Variants in STX11 observed in about 807,000 individuals in gnomAD.
STX11 encodes syntaxin 11, also known as syntaxin-11.
In STX11, 21 loss-of-function variants were observed where a neutral mutation model predicts 19.9. The observed-to-expected ratio is 1.06, with a 90% CI of 0.75 to 1.52. The LOEUF (loss-of-function observed/expected upper bound fraction) is 1.52. Ranked by LOEUF, STX11 falls within the 40% of genes most tolerant of loss-of-function variation. STX11 has a pLI of 0.00. For synonymous variants in STX11, 193 were observed against 174.4 expected (o/e 1.11, Z -0.84); for missense variants, 438 against 405.9 (o/e 1.08, Z -0.68).
Position 144,155,944 on chromosome 6 carries a change from TTCTTTCTTTC to T in STX11, c.-6+5243_-6+5252del, listed in dbSNP as rs1801127099. On this transcript the variant is annotated intron_variant, in intron 1 of 1. Coordinates refer to ENST00000367568, the MANE Select transcript of STX11 (RefSeq NM_003764.4). The surrounding 1 kb of genome is among the most constrained non-coding windows in gnomAD (Gnocchi z 4.5). ...TTAAATGTGTTTTAAAATTTAATCTTTCTTTCTTTCTTTCTTTCTTTCTTTCTTTCTTTCT... is the reference window on the plus strand; with the variant it reads ...TTAAATGTGTTTTAAAATTTAATCTTTTTCTTTCTTTCTTTCTTTCTTTCT... Among the ~76,000 whole-genome samples, 1 of 28,698 alleles carries T rather than the reference TTCTTTCTTTC, an allele frequency of 3.5e-5. No homozygotes were observed. Among genetic ancestry groups the T allele is most frequent in the Non-Finnish European group, 1.1e-4 (1 of 8,812 alleles). The allele number at this position is 28,698 out of a possible 152,430, so 18.8% of individuals were successfully genotyped here. A position where few individuals can be genotyped will look rare whatever the true frequency, so the allele number is the denominator to read the frequency against.
At chr6:144,166,525 C>CTTT (rs1174123119) in intron 1 of STX11, among the ~76,000 whole-genome samples, 20 of 125,528 alleles carry the variant, frequency 1.6e-4, no homozygotes, top group East Asian at 4.7e-4. Flanking sequence ...CTTTTCTTTC[C>CTTT]TTTTTTTTTT....
In STX11 at chr6:144,191,798, A is replaced by G. The variant is rs1023810720; in HGVS notation, c.*4307A>G. ...GGGCTATTAGAAATGGAAAACGAAT[A>G]GGATCTAGAATGTAACTTCATCATA... On this transcript the variant is annotated 3_prime_UTR_variant, in exon 2 of 2. Transcript: ENST00000367568. 6.6e-6 allele frequency among the ~76,000 whole-genome samples: 1 copy of G among 152,246 alleles called. No individual in the cohort carries two copies. The highest frequency in any genetic ancestry group is 1.5e-5 in the Non-Finnish European group (1 of 68,042).
In STX11 at chr6:144,191,685, C is replaced by T. The variant is rs188745478; in HGVS notation, c.*4194C>T. On this transcript the variant is annotated 3_prime_UTR_variant, in exon 2 of 2. Transcript: ENST00000367568. ...GCAACTCATTCATTTGTAATCAAGA[C>T]GATAGTTTGAAACACCCAATTGTAA... Among the ~76,000 whole-genome samples the T allele has an allele frequency of 9.9e-4, 150 of 152,266 alleles. No homozygotes were observed. The highest frequency in any genetic ancestry group is 3.6e-3 in the African/African-American group (148 of 41,554).
chr6:144,178,633 G>C (rs781364432), intron 1 of STX11, among the ~76,000 whole-genome samples: 1 of 152,242 alleles, frequency 6.6e-6, no homozygotes, highest in Non-Finnish European at 1.5e-5. Flanking sequence ...TCCTCCAGCA[G>C]TGGTTTGAAT....
chr6:144,154,702 T>C lies in STX11; in HGVS notation c.-6+3999T>C, dbSNP rs1413270138. Among the ~76,000 whole-genome samples, 1 of 152,224 alleles carries C rather than the reference T, an allele frequency of 6.6e-6. No individual in the cohort carries two copies. Among genetic ancestry groups the C allele is most frequent in the African/African-American group, 2.4e-5 (1 of 41,456 alleles). On this transcript the variant is annotated intron_variant, in intron 1 of 1. Transcript: ENST00000367568. The surrounding 1 kb of genome is among the most constrained non-coding windows in gnomAD (Gnocchi z 4.7). ...CTCCAGATATTACATTCCTGACTTG[T>C]GATCTGCCTTTTGAATCCTATTTTG...
chr6:144,182,219 C>T lies in STX11; in HGVS notation c.-5-4404C>T, dbSNP rs1054250069. Among the ~76,000 whole-genome samples, 4 of 152,144 alleles carry T rather than the reference C, an allele frequency of 2.6e-5. No individual in the cohort carries two copies. The highest frequency in any genetic ancestry group is 2.9e-5 in the Non-Finnish European group (2 of 68,028). On this transcript the variant is annotated intron_variant, in intron 1 of 1. Coordinates refer to ENST00000367568, the MANE Select transcript of STX11 (RefSeq NM_003764.4). The surrounding 1 kb of genome is among the most constrained non-coding windows in gnomAD (Gnocchi z 4.8). ...TGCCCACTTCTATATTTTTGTATAA[C>T]TTCAGTAGTGTATACACTTTTAACC... is the stretch of plus-strand genomic sequence containing the variant.
At chr6:144,143,524 G>A in the STX11 span, among the ~76,000 whole-genome samples, 5 of 152,284 alleles carry the variant, frequency 3.3e-5, no homozygotes, top group East Asian at 5.8e-4. Context: ...AGAGAGAGAC[G>A]TGTAGAGAAG....
At position 144,172,511 on chromosome 6, in the gene STX11, A is replaced by G. The variant is rs764120885; in HGVS notation, c.-5-14112A>G. Among the ~76,000 whole-genome samples, 14 of 152,208 alleles carry G rather than the reference A, an allele frequency of 9.2e-5. 1 individual carries two copies. The highest frequency in any genetic ancestry group is 1.5e-4 in the Non-Finnish European group (10 of 68,038). On this transcript the variant is annotated intron_variant, in intron 1 of 1. Coordinates refer to ENST00000367568, the MANE Select transcript of STX11 (RefSeq NM_003764.4). This position sits in a 1 kb window ranked among gnomAD's most constrained non-coding sequence, Gnocchi z 4.2. ...AAGCAAGTCTCATGGCCAAGGGTAG[A>G]GAAACTGATTCAAAGGGTAGAGAGA...
At position 144,187,734 on chromosome 6, in the gene STX11, T is replaced by TA; in HGVS notation, c.*244dup. The stretch of plus-strand genomic sequence containing the variant: ...CCCACAAAGTTGTGCAATGTCATTA[T>TA]ATGACACCTTGCACTCTTACCGTCT... On this transcript the variant is annotated 3_prime_UTR_variant, in exon 2 of 2. Transcript: ENST00000367568. This position sits in a 1 kb window ranked among gnomAD's most constrained non-coding sequence, Gnocchi z 5.6. 1.6e-6 allele frequency: 1 copy of TA among 613,740 alleles called. No individual in the cohort carries two copies. Among genetic ancestry groups the TA allele is most frequent in the Non-Finnish European group, 2.9e-6 (1 of 339,534 alleles). 38.0% of individuals were successfully genotyped at this position (613,740 alleles called of 1,614,324 possible). A position where few individuals can be genotyped will look rare whatever the true frequency, so the allele number is the denominator to read the frequency against.
At chr6:144,142,376 T>C in the STX11 span, among the ~76,000 whole-genome samples, 1 of 152,114 alleles carries the variant, frequency 6.6e-6, no homozygotes, top group South Asian at 2.1e-4. Flanking sequence ...TGATGACTTG[T>C]TTGCAGTACT....
In STX11 at chr6:144,191,447, T is replaced by C. The variant is rs1231770531; in HGVS notation, c.*3956T>C. On this transcript the variant is annotated 3_prime_UTR_variant, in exon 2 of 2. Transcript: ENST00000367568. ...ATTTAAAAACAGTCCTAATGCTTTA[T>C]AGTTAAATGTCATATGCAGATATGT... 6.6e-6 allele frequency among the ~76,000 whole-genome samples: 1 copy of C among 151,500 alleles called. No homozygotes were observed. The highest frequency in any genetic ancestry group is 1.5e-5 in the Non-Finnish European group (1 of 67,972).
At chr6:144,158,539 CTTTT>C (rs1018700995) in intron 1 of STX11, among the ~76,000 whole-genome samples, 1 of 151,054 alleles carries the variant, frequency 6.6e-6, no homozygotes, top group Non-Finnish European at 1.5e-5. Flanking sequence ...CTTTGAGGTG[CTTTT>C]TTTTAAACTT....
Position 144,179,298 on chromosome 6 carries a change from AC to A in STX11, c.-5-7323del, listed in dbSNP as rs1562666922. On this transcript the variant is annotated intron_variant, in intron 1 of 1. Transcript: ENST00000367568. ...CACAACGTGTGGGAATTATGGGAGT[AC>A]CATTCAAGATGAGATTTGGGTGGGG... is the stretch of plus-strand genomic sequence containing the variant. 3.9e-5 allele frequency among the ~76,000 whole-genome samples: 6 copies of A among 152,320 alleles called. No individual in the cohort carries two copies. In the South Asian group the frequency reaches 6.2e-4, roughly 16 times the overall value.
At chr6:144,140,209 CATATATATATATATATATATATATAT>C in the STX11 span, among the ~76,000 whole-genome samples, 90 of 44,460 alleles carry the variant, frequency 2.0e-3, 5 homozygotes, top group African/African-American at 7.1e-3. Context: ...GGTCAATTCA[CATATATATATATATATATATATATAT>C]ATATATATAT....
chr6:144,156,214 A>G (rs1801160875), intron 1 of STX11, among the ~76,000 whole-genome samples: 1 of 151,570 alleles, frequency 6.6e-6, no homozygotes, highest in Non-Finnish European at 1.5e-5. Flanking sequence ...ACAGGGATGC[A>G]CCATCACACG....
At chr6:144,150,478 G>GTCGCT (rs1264300730), upstream of STX11, 5 of 984,816 alleles carry the variant, frequency 5.1e-6, no homozygotes, top group Non-Finnish European at 6.0e-6. Context: ...CCCAGCTGTG[G>GTCGCT]TCGCTTCCTA....
At chr6:144,186,281 C>T (rs887571123) in intron 1 of STX11, among the ~76,000 whole-genome samples, 2 of 149,890 alleles carry the variant, frequency 1.3e-5, no homozygotes, top group East Asian at 2.0e-4. Flanking sequence ...CAAACCTGCA[C>T]GTTGTGCACA....
At chr6:144,145,432 T>C in the STX11 span, among the ~76,000 whole-genome samples, 1 of 152,178 alleles carries the variant, frequency 6.6e-6, no homozygotes, top group East Asian at 1.9e-4. Context: ...ATGAAATTAG[T>C]GTGATGAGAT....
At chr6:144,146,681 T>C (rs117692198), upstream of STX11, among the ~76,000 whole-genome samples, 935 of 152,316 alleles carry the variant, frequency 6.1e-3, 45 homozygotes, top group East Asian at 0.11. This position sits in a 1 kb window ranked among gnomAD's most constrained non-coding sequence, Gnocchi z 4.4. Context: ...CCATACTTTC[T>C]GAATAGCTGG....
Sources: gnomAD v4.1 joint callset for allele counts (sites outside exome capture counted in the v4.1 genomes callset) on GRCh38, gnomAD v4.1.1 for gene constraint, Gnocchi (gnomAD v3.1) non-coding constraint, MANE v1.5 for transcripts, NCBI Gene and HGNC (gene_info 2026-07-23, HGNC 2026-07-21) for gene names.